Variants in WDPCP observed in about 807,000 individuals in gnomAD.
WDPCP encodes WD repeat-containing and planar cell polarity effector protein fritz homolog.
In WDPCP, 71 loss-of-function variants were observed where a neutral mutation model predicts 93.1. The observed-to-expected ratio is 0.76, with a 90% CI of 0.63 to 0.93. The LOEUF is 0.93. Ranked by LOEUF, WDPCP falls within the 40% of genes least tolerant of loss-of-function variation. The pLI is 0.00. For missense variants in WDPCP, 844 were observed against 887.4 expected, an observed-to-expected ratio of 0.95 and a Z score of 0.62; for synonymous variants, 315 against 315.0, an observed-to-expected ratio of 1.00 and a Z score of 0.00.
intron 17 of WDPCP, among the ~76,000 whole-genome samples, chr2:63,129,618 G>A (rs978001158): frequency 6.6e-6 from 1 of 152,100 alleles, no homozygotes; most frequent in Non-Finnish European, 1.5e-5. Flanking sequence ...TATCTTGGAA[G>A]TTCTTTGCAC....
At chr2:63,288,433 C>T (rs1517405) in intron 13 of WDPCP, among the ~76,000 whole-genome samples, 121,952 of 152,200 alleles carry the variant, frequency 0.8, 49,727 homozygotes, top group East Asian at 0.96. Flanking sequence ...GTGGCCAAAT[C>T]GACTTCCAAA....
intron 1 of WDPCP, among the ~76,000 whole-genome samples, chr2:63,555,664 T>C (rs1333011375): frequency 4.6e-5 from 7 of 152,196 alleles, no homozygotes; most frequent in African/African-American, 1.7e-4. Flanking sequence ...TTTGTTGTTC[T>C]GCAGCCTCCA....
intron 15 of WDPCP, 120 bp downstream of exon 15, chr2:63,174,550 G>A (rs1673652956): frequency 2.9e-6 from 4 of 1,367,804 alleles, no homozygotes; most frequent in African/African-American, 2.9e-5. Context: ...TCTGAGCCAT[G>A]AGAAATGCAA....
At chr2:63,149,112 T>C (rs1671725359) in intron 17 of WDPCP, among the ~76,000 whole-genome samples, 1 of 152,030 alleles carries the variant, frequency 6.6e-6, no homozygotes, top group Non-Finnish European at 1.5e-5. Flanking sequence ...AGGAGTTATT[T>C]GTAACACTGA....
At chr2:63,785,068 C>T (rs1670448078) in intron 2 of WDPCP, among the ~76,000 whole-genome samples, 1 of 152,176 alleles carries the variant, frequency 6.6e-6, no homozygotes, top group African/African-American at 2.4e-5. Flanking sequence ...CTCCTTCAAA[C>T]ATTAAAAAAT....
At chr2:63,187,646 C>T (rs1056830750) in intron 14 of WDPCP, among the ~76,000 whole-genome samples, 2 of 152,114 alleles carry the variant, frequency 1.3e-5, no homozygotes, top group African/African-American at 4.8e-5. Context: ...TCATAAATTA[C>T]CTGTTATATA....
At chr2:63,207,728 T>A (rs774922972) in intron 14 of WDPCP, among the ~76,000 whole-genome samples, 1 of 152,208 alleles carries the variant, frequency 6.6e-6, no homozygotes, top group Non-Finnish European at 1.5e-5. Context: ...GGCTGGTGTT[T>A]CCAGGTCATG....
At chr2:63,389,790 A>G (rs536888548) in intron 10 of WDPCP, among the ~76,000 whole-genome samples, 4 of 152,328 alleles carry the variant, frequency 2.6e-5, no homozygotes, top group African/African-American at 7.2e-5. Flanking sequence ...AGATCAAAAG[A>G]GACAAAGAAG....
At chr2:63,191,750 GT>G (rs1435754510) in intron 14 of WDPCP, among the ~76,000 whole-genome samples, 3 of 151,704 alleles carry the variant, frequency 2.0e-5, no homozygotes, top group East Asian at 1.9e-4. Flanking sequence ...CCCTACATCT[GT>G]TTTTTTTATG....
chr2:63,340,581 A>C, intron 12 of WDPCP, among the ~76,000 whole-genome samples: 1 of 152,194 alleles, frequency 6.6e-6, no homozygotes, highest in East Asian at 1.9e-4. Flanking sequence ...TGACCACCTT[A>C]ATCTTACTTT....
intron 2 of WDPCP, among the ~76,000 whole-genome samples, chr2:63,719,560 C>A (rs1669386722): frequency 6.6e-6 from 1 of 152,020 alleles, no homozygotes; most frequent in African/African-American, 2.4e-5. Flanking sequence ...ACAAAGTGAT[C>A]AAAAATTAGG....
At chr2:63,721,001 T>G (rs11694253) in intron 2 of WDPCP, among the ~76,000 whole-genome samples, 14,977 of 152,268 alleles carry the variant, frequency 0.098, 972 homozygotes, top group South Asian at 0.16. Flanking sequence ...CAAAGTAATA[T>G]CTCATCTGAC....
chr2:63,789,465 C>T (rs1670516478), intron 2 of WDPCP, among the ~76,000 whole-genome samples: 1 of 152,132 alleles, frequency 6.6e-6, no homozygotes, highest in Non-Finnish European at 1.5e-5. Context: ...TGACTTCATA[C>T]TCAGCTTAGT....
intron 2 of WDPCP, among the ~76,000 whole-genome samples, chr2:63,709,311 T>G (rs1376785424): frequency 6.6e-6 from 1 of 151,928 alleles, no homozygotes; most frequent in African/African-American, 2.4e-5. Flanking sequence ...CGAAACTCCG[T>G]CCCGAAAAAA....
At chr2:63,246,433 A>G (rs895120217) in intron 14 of WDPCP, among the ~76,000 whole-genome samples, 1 of 152,122 alleles carries the variant, frequency 6.6e-6, no homozygotes, top group Non-Finnish European at 1.5e-5. Flanking sequence ...CATGCCATGT[A>G]TTTTCCCCCA....
At chr2:63,290,597 T>C (rs1042699215) in intron 13 of WDPCP, among the ~76,000 whole-genome samples, 13 of 152,148 alleles carry the variant, frequency 8.5e-5, no homozygotes, top group African/African-American at 2.7e-4. Context: ...TTTCTAGTAG[T>C]GCTGCTGCTA....
chr2:63,282,829 T>C (rs1439880990), intron 13 of WDPCP, among the ~76,000 whole-genome samples: 2 of 152,322 alleles, frequency 1.3e-5, no homozygotes, highest in East Asian at 3.9e-4. Context: ...TCTACTGATA[T>C]TCATGTCCTT....
At chr2:63,427,378 A>AT (rs1421456721) in intron 9 of WDPCP, among the ~76,000 whole-genome samples, 3 of 152,228 alleles carry the variant, frequency 2.0e-5, no homozygotes, top group Non-Finnish European at 4.4e-5. Flanking sequence ...AATCAAAATC[A>AT]TACCAACTAT....
At chr2:63,538,163 C>T (rs1008888647) in intron 1 of WDPCP, among the ~76,000 whole-genome samples, 1 of 151,912 alleles carries the variant, frequency 6.6e-6, no homozygotes, top group African/African-American at 2.4e-5. Context: ...TCAAGAGTAA[C>T]ACAATTCAAG....
Sources: allele counts gnomAD v4.1 joint callset (sites outside exome capture counted in the v4.1 genomes callset), GRCh38; gene constraint gnomAD v4.1.1; transcripts MANE v1.5; gene names NCBI Gene and HGNC (gene_info 2026-07-23, HGNC 2026-07-21).